Variants in ADGRB1 observed in about 807,000 individuals in gnomAD.
ADGRB1 encodes the protein brain-specific angiogenesis inhibitor 1.
Under a neutral mutation model 175.7 loss-of-function variants are expected in ADGRB1, and 36 were observed. That is an observed-to-expected ratio of 0.20 (90% CI 0.16 to 0.27). The LOEUF (loss-of-function observed/expected upper bound fraction) is 0.27. ADGRB1 is among the 10% of genes least tolerant of loss of function. The pLI is 1.00. For synonymous variants in ADGRB1, 1,054 were observed against 979.4 expected (o/e 1.08, Z -1.42); for missense variants, 1,731 against 2,255.3 (o/e 0.77, Z 4.71).
rs1410619728 is a variant in ADGRB1 at position 142,464,249 on chromosome 8, GCTA to G, written c.54_56del (p.Leu24del). 1.5e-6 allele frequency: 2 copies of G among 1,345,380 alleles called. No individual in the cohort carries two copies. The highest frequency in any genetic ancestry group is 1.9e-6 in the Non-Finnish European group (2 of 1,057,106). The allele number at this position is 1,345,380 out of a possible 1,614,324, so 83.3% of individuals were successfully genotyped here. On this transcript the variant is annotated inframe_deletion, in exon 2 of 31. Coordinates refer to ENST00000517894, the MANE Select transcript of ADGRB1 (RefSeq NM_001702.3). ...GCCCCGTCTGGATCCTCGCCCCGCT[GCTA>G]CTGCTGCTGCTGCTGCTGGGACGCC...
At chr8:142,515,194 C>A (rs1035212522) in intron 18 of ADGRB1, among the ~76,000 whole-genome samples, 4 of 152,094 alleles carry the variant, frequency 2.6e-5, no homozygotes, top group African/African-American at 9.7e-5. Context: ...TCAGGGAAGG[C>A]GTGCAGGGCA....
In ADGRB1 at chr8:142,542,728, C is replaced by G; in HGVS notation, c.4413+81C>G. On this transcript the variant is annotated intron_variant, in intron 28 of 30. Coordinates refer to ENST00000517894, the MANE Select transcript of ADGRB1 (RefSeq NM_001702.3). The surrounding 1 kb of genome is among the most constrained non-coding windows in gnomAD (Gnocchi z 6.3). ...CTGGGTCACCCCTGCTGGGTGGGAC[C>G]CCCACGCCGTCAGCGGGGCGGGCTG... 7.6e-7 allele frequency: 1 copy of G among 1,308,404 alleles called. No homozygotes were observed. Among genetic ancestry groups the G allele is most frequent in the Non-Finnish European group, 1.0e-6 (1 of 974,298 alleles). 81.0% of individuals were successfully genotyped at this position (1,308,404 alleles called of 1,614,324 possible).
intron 23 of ADGRB1, 122 bp downstream of exon 23, chr8:142,524,426 A>G: frequency 9.1e-7 from 1 of 1,103,056 alleles, no homozygotes; most frequent in Admixed American, 2.4e-5. Flanking sequence ...GATGGCCCTC[A>G]TGGCCCTCAT....
At chr8:142,499,913 G>A (rs921066727) in intron 17 of ADGRB1, among the ~76,000 whole-genome samples, 2 of 8,514 alleles carry the variant, frequency 2.3e-4, no homozygotes, top group East Asian at 4.3e-3. Context: ...GTCACAGCAG[G>A]CTTATGGGTT....
chr8:142,488,074 G>T (rs889383715), intron 13 of ADGRB1, among the ~76,000 whole-genome samples: 4 of 152,148 alleles, frequency 2.6e-5, no homozygotes, highest in African/African-American at 7.2e-5. Context: ...GGGCCATGGA[G>T]GGTGGGAGGG....
Position 142,516,211 on chromosome 8 carries a change from T to TGTGC in ADGRB1, c.2818-1924_2818-1923insCGTG, listed in dbSNP as rs1563730968. On this transcript the variant is annotated intron_variant, in intron 18 of 30. Coordinates refer to ENST00000517894, the MANE Select transcript of ADGRB1 (RefSeq NM_001702.3). ...TGTGTGGGGGCCCCAGGTGCATGCG[T>TGTGC]GTGTGCGGGCCCCAGGTGTGTGTGT... Among the ~76,000 whole-genome samples, 131 of 147,938 alleles carry TGTGC rather than the reference T, an allele frequency of 8.9e-4. 1 individual carries two copies. The highest frequency in any genetic ancestry group is 1.7e-3 in the Non-Finnish European group (111 of 67,130).
At position 142,542,558 on chromosome 8, in the gene ADGRB1, C is replaced by T. The variant is rs1334032059; in HGVS notation, c.4324C>T (p.Pro1442Ser). The T allele has an allele frequency of 3.3e-6, 5 of 1,517,098 alleles. No homozygotes were observed. In the African/African-American group the frequency reaches 5.7e-5, roughly 17 times the overall value. 94.0% of individuals were successfully genotyped at this position (1,517,098 alleles called of 1,614,324 possible). The part of the protein sequence containing the change: ...LEPAPPSLGD[P>S]GEPAAHPGPS... ...GCCGGCACCCCCCAGCCTGGGGGAT[C>T]CCGGGGAGCCTGCCGCCCATCCGGG... The change falls in exon 28 of 31, where the codon CCC becomes TCC. Residue 1442 changes from proline to serine, a missense_variant. Around this residue, in one of 8 missense-constraint regions of ADGRB1, gnomAD observed 394 missense variants for 410.2 expected, o/e 0.96. Coordinates refer to ENST00000517894, the MANE Select transcript of ADGRB1 (RefSeq NM_001702.3). This position sits in a 1 kb window ranked among gnomAD's most constrained non-coding sequence, Gnocchi z 6.3.
rs907910668 is a variant in ADGRB1, at chr8:142,455,688, T to C, written c.-220+5584T>C. Reference sequence around the variant, plus strand: ...GGGCCAGTTTTGGGGGTGCTGACTCTTGACTGAGACATGTGGTTGAGGGGT... The same window carrying C: ...GGGCCAGTTTTGGGGGTGCTGACTCCTGACTGAGACATGTGGTTGAGGGGT... On this transcript the variant is annotated intron_variant, in intron 1 of 30. Transcript: ENST00000517894. The surrounding 1 kb of genome is among the most constrained non-coding windows in gnomAD (Gnocchi z 4.9). Among the ~76,000 whole-genome samples, 2 of 152,208 alleles carry C rather than the reference T, an allele frequency of 1.3e-5. No homozygotes were observed. The highest frequency in any genetic ancestry group is 2.1e-4 in the South Asian group (1 of 4,832).
At chr8:142,475,440 C>T in intron 2 of ADGRB1, 34 bp from the exon 3 acceptor site, 1 of 1,276,644 alleles carries the variant, frequency 7.8e-7, no homozygotes, top group Non-Finnish European at 9.9e-7. Context: ...AGCCCCTGCC[C>T]TGCCCTGATC....
At chr8:142,508,739 C>G (rs1018858122) in intron 17 of ADGRB1, among the ~76,000 whole-genome samples, 1 of 152,262 alleles carries the variant, frequency 6.6e-6, no homozygotes. Context: ...ATCCTCTGAG[C>G]CTGACCGTGC....
chr8:142,533,010 G>T (rs1844713899), intron 24 of ADGRB1, among the ~76,000 whole-genome samples: 1 of 151,942 alleles, frequency 6.6e-6, no homozygotes, highest in Non-Finnish European at 1.5e-5. Context: ...GTTGACGGTG[G>T]GCTCCTCCCC....
At chr8:142,530,117 G>C (rs1412390812) in intron 24 of ADGRB1, among the ~76,000 whole-genome samples, 1 of 152,128 alleles carries the variant, frequency 6.6e-6, no homozygotes, top group Non-Finnish European at 1.5e-5. Flanking sequence ...GTTAGTGTGT[G>C]TGTATAAGTG....
At chr8:142,531,270 CAGTG>C (rs1248349647) in intron 24 of ADGRB1, among the ~76,000 whole-genome samples, 3 of 152,230 alleles carry the variant, frequency 2.0e-5, no homozygotes, top group African/African-American at 7.2e-5. Context: ...TGCTCTGTGT[CAGTG>C]AGTGTTTCCT....
chr8:142,507,881 CCTGTA>C (rs1289931868), intron 17 of ADGRB1, among the ~76,000 whole-genome samples: 1 of 152,078 alleles, frequency 6.6e-6, no homozygotes, highest in East Asian at 1.9e-4. Context: ...TGCCCTCTGG[CCTGTA>C]CTGTGCTGGC....
intron 14 of ADGRB1, 136 bp from the exon 15 acceptor site, chr8:142,488,899 C>T (rs976504893): frequency 4.5e-6 from 5 of 1,113,018 alleles, no homozygotes; most frequent in Non-Finnish European, 5.2e-6. Flanking sequence ...GTGGGCCTCA[C>T]CATCCGCCAG....
At position 142,543,672 on chromosome 8, in the gene ADGRB1, G is replaced by A. The variant is rs368754572; in HGVS notation, c.4521G>A (p.Ala1507=). The A allele has an allele frequency of 2.7e-5, 43 of 1,564,270 alleles. No individual in the cohort carries two copies. Among genetic ancestry groups the A allele is most frequent in the Non-Finnish European group, 3.6e-5 (41 of 1,154,752 alleles). The change falls in exon 30 of 31, where the codon GCG becomes GCA. Residue 1507 remains alanine, a synonymous_variant. Transcript: ENST00000517894. This position sits in a 1 kb window ranked among gnomAD's most constrained non-coding sequence, Gnocchi z 4.4. ...QDLNRKLQHA[A]EKDKEVLGPD... is the part of the protein sequence containing the mutation. ...TGAACCGGAAGCTGCAGCACGCAGC[G>A]GAGAAGGACAAGGAGGTGCTGGGGC... is the stretch of plus-strand genomic sequence containing the variant.
At position 142,455,188 on chromosome 8, in the gene ADGRB1, T is replaced by C. The variant is rs1291692149; in HGVS notation, c.-220+5084T>C. ...CGGCACCACACTGCACCATCATTCC[T>C]ATCTGACCCCACCTCCATCCCCAAC... On this transcript the variant is annotated intron_variant, in intron 1 of 30. Transcript: ENST00000517894. The surrounding 1 kb of genome is among the most constrained non-coding windows in gnomAD (Gnocchi z 4.9). Among the ~76,000 whole-genome samples the C allele has an allele frequency of 7.1e-6, 1 of 139,894 alleles. No homozygotes were observed. Among genetic ancestry groups the C allele is most frequent in the Non-Finnish European group, 1.5e-5 (1 of 65,152 alleles). The allele number at this position is 139,894 out of a possible 152,430, so 91.8% of individuals were successfully genotyped here.
chr8:142,534,093 C>T (rs1211643469), intron 25 of ADGRB1, among the ~76,000 whole-genome samples: 5 of 152,156 alleles, frequency 3.3e-5, no homozygotes. Flanking sequence ...CACAGGTTCC[C>T]GAGGATGAAG....
chr8:142,543,500 CG>C lies in ADGRB1; in HGVS notation c.4449+64del. The C allele has an allele frequency of 1.2e-6, 2 of 1,609,278 alleles. No homozygotes were observed. The highest frequency in any genetic ancestry group is 8.5e-7 in the Non-Finnish European group (1 of 1,177,450). Reference sequence around the variant, plus strand: ...GCCAGATGTGCTCTGGGCTCCCACACGGCCAGGCAGCTCCCCGGCAGCCAGG... The same window carrying C: ...GCCAGATGTGCTCTGGGCTCCCACACGCCAGGCAGCTCCCCGGCAGCCAGG... On this transcript the variant is annotated intron_variant, in intron 29 of 30. Coordinates refer to ENST00000517894, the MANE Select transcript of ADGRB1 (RefSeq NM_001702.3). This position sits in a 1 kb window ranked among gnomAD's most constrained non-coding sequence, Gnocchi z 4.4.
Sources: allele counts gnomAD v4.1 joint callset (sites outside exome capture counted in the v4.1 genomes callset), GRCh38; gene constraint gnomAD v4.1.1; regional missense constraint gnomAD v4.1.1; non-coding constraint Gnocchi (gnomAD v3.1); transcripts MANE v1.5; gene names NCBI Gene and HGNC (gene_info 2026-07-23, HGNC 2026-07-21).